IKZF1: variants seen among roughly 807,000 people sequenced by gnomAD.
IKZF1 encodes IKAROS family zinc finger 1, also known as DNA-binding protein Ikaros.
A neutral mutation model predicts 51.7 loss-of-function variants in IKZF1; 10 were observed. The observed-to-expected ratio is 0.19, with a 90% CI of 0.12 to 0.33. The LOEUF is 0.33. IKZF1 is among the 10% of genes least tolerant of loss of function. IKZF1 has a pLI of 1.00. For synonymous variants in IKZF1, 280 were observed against 282.3 expected (o/e 0.99, Z 0.08); for missense variants, 484 against 707.5 (o/e 0.68, Z 3.58).
At chr7:50,375,508 T>G (rs1195179962) in intron 3 of IKZF1, among the ~76,000 whole-genome samples, 1 of 152,228 alleles carries the variant, frequency 6.6e-6, no homozygotes, top group African/African-American at 2.4e-5. Flanking sequence ...ACAAATTCTC[T>G]TAGTCATTAT....
intron 3 of IKZF1, among the ~76,000 whole-genome samples, chr7:50,358,832 A>G (rs1201048876): frequency 7.0e-6 from 1 of 143,380 alleles, no homozygotes; most frequent in Non-Finnish European, 1.5e-5. Context: ...TCTTAAGAGA[A>G]CTATATATTA....
At chr7:50,351,355 A>G (rs1562801555) in intron 3 of IKZF1, among the ~76,000 whole-genome samples, 3 of 152,074 alleles carry the variant, frequency 2.0e-5, no homozygotes. Flanking sequence ...GTTAAAACAT[A>G]TTTCATTTCA....
At chr7:50,385,232 A>G (rs934824178) in intron 5 of IKZF1, among the ~76,000 whole-genome samples, 5 of 152,232 alleles carry the variant, frequency 3.3e-5, no homozygotes, top group Admixed American at 6.5e-5. Context: ...GGGGAAAAAA[A>G]CAGTGATGAT....
At chr7:50,314,508 G>A (rs189196920) in intron 1 of IKZF1, among the ~76,000 whole-genome samples, 70 of 152,328 alleles carry the variant, frequency 4.6e-4, no homozygotes, top group Non-Finnish European at 7.9e-4. Context: ...AATTTGGCAC[G>A]CTGTGTACTT....
intron 3 of IKZF1, among the ~76,000 whole-genome samples, chr7:50,366,315 C>T (rs1806933807): frequency 6.6e-6 from 1 of 152,118 alleles, no homozygotes; most frequent in African/African-American, 2.4e-5. Flanking sequence ...TATTCAATGG[C>T]AATGTGTGAA....
At chr7:50,378,833 A>C (rs1018807601) in intron 4 of IKZF1, among the ~76,000 whole-genome samples, 2 of 152,242 alleles carry the variant, frequency 1.3e-5, no homozygotes, top group African/African-American at 4.8e-5. Flanking sequence ...ACACACTTGA[A>C]GCAATGAACT....
At chr7:50,390,911 G>A (rs1022327530) in intron 6 of IKZF1, among the ~76,000 whole-genome samples, 2 of 152,252 alleles carry the variant, frequency 1.3e-5, no homozygotes, top group South Asian at 2.1e-4. Context: ...AGGCAGGAAC[G>A]GTATTGGAAG....
rs749604233 is a variant in IKZF1, at chr7:50,376,171, G to A, written c.161-362G>A. ...GGGCAAGGTGCCCATCTGATGGGTA[G>A]GGTGTAGGAGTAGGCCTCAGACCAC... On this transcript the variant is annotated intron_variant, in intron 3 of 7. Coordinates refer to ENST00000331340, the MANE Select transcript of IKZF1 (RefSeq NM_006060.6). This position sits in a 1 kb window ranked among gnomAD's most constrained non-coding sequence, Gnocchi z 4.5. 5.9e-5 allele frequency among the ~76,000 whole-genome samples: 9 copies of A among 152,248 alleles called. No homozygotes were observed. The highest frequency in any genetic ancestry group is 1.0e-4 in the Non-Finnish European group (7 of 68,040).
At chr7:50,318,100 C>T (rs1414738135) in intron 1 of IKZF1, among the ~76,000 whole-genome samples, 1 of 152,168 alleles carries the variant, frequency 6.6e-6, no homozygotes, top group African/African-American at 2.4e-5. Context: ...TGTGGAGCTG[C>T]CAGCTGTCAT....
intron 5 of IKZF1, among the ~76,000 whole-genome samples, chr7:50,384,651 C>G (rs181376187): frequency 1.3e-5 from 2 of 152,222 alleles, no homozygotes; most frequent in African/African-American, 2.4e-5. Flanking sequence ...AAAGGTGGTA[C>G]CTGGGCCTGA....
chr7:50,348,101 G>A (rs1562793814), intron 3 of IKZF1, among the ~76,000 whole-genome samples: 1 of 152,152 alleles, frequency 6.6e-6, no homozygotes, highest in Non-Finnish European at 1.5e-5. Context: ...AAAATCACAG[G>A]TTTTCCCGCT....
chr7:50,382,791 T>C, intron 5 of IKZF1, 84 bp downstream of exon 5: 2 of 1,474,460 alleles, frequency 1.4e-6, no homozygotes, highest in East Asian at 4.9e-5. Context: ...GATTGTGTCC[T>C]TGCTGGCTAA....
chr7:50,382,834 C>T (rs1264585913), intron 5 of IKZF1, 127 bp downstream of exon 5: 18 of 1,184,516 alleles, frequency 1.5e-5, no homozygotes, highest in Admixed American at 5.4e-5. Flanking sequence ...AGTCCTGCAT[C>T]GGGTGTGAGC....
intron 3 of IKZF1, among the ~76,000 whole-genome samples, chr7:50,332,791 G>T (rs1354959145): frequency 6.6e-6 from 1 of 152,162 alleles, no homozygotes; most frequent in East Asian, 1.9e-4. Context: ...TTATTCAGGC[G>T]GGAGGACACA....
At position 50,327,439 on chromosome 7, in the gene IKZF1, T is replaced by C. The variant is rs1795308485; in HGVS notation, c.41-199T>C. 3 of 487,366 alleles carry C rather than the reference T, an allele frequency of 6.2e-6. No individual in the cohort carries two copies. The East Asian group carries it at 9.9e-5, about 16-fold the overall frequency. The allele number at this position is 487,366 out of a possible 1,614,324, so 30.2% of individuals were successfully genotyped here. On this transcript the variant is annotated intron_variant, in intron 2 of 7. Transcript: ENST00000331340. ...GATTGTATTTCTTCCCTTTTGCACA[T>C]CTATGTTCTCTCATTTGTATTGTGT...
Position 50,376,935 on chromosome 7 carries a change from G to A in IKZF1, c.421+142G>A. The stretch of plus-strand genomic sequence containing the variant: ...AGTTGTTGCAAGCGATTGGTTCCAA[G>A]TGGTACCGAGTCATAGAGTCCTTGT... On this transcript the variant is annotated intron_variant, in intron 4 of 7. Coordinates refer to ENST00000331340, the MANE Select transcript of IKZF1 (RefSeq NM_006060.6). This position sits in a 1 kb window ranked among gnomAD's most constrained non-coding sequence, Gnocchi z 4.5. 7.2e-7 allele frequency: 1 copy of A among 1,380,540 alleles called. No individual in the cohort carries two copies. The highest frequency in any genetic ancestry group is 1.5e-5 in the South Asian group (1 of 66,440). The allele number at this position is 1,380,540 out of a possible 1,614,324, so 85.5% of individuals were successfully genotyped here.
chr7:50,330,225 G>A (rs1463462590), intron 3 of IKZF1, among the ~76,000 whole-genome samples: 1 of 152,206 alleles, frequency 6.6e-6, no homozygotes, highest in Non-Finnish European at 1.5e-5. Context: ...CCTTCAGGAT[G>A]TAATTTAGAA....
At chr7:50,356,838 C>T (rs1803556673) in intron 3 of IKZF1, among the ~76,000 whole-genome samples, 1 of 152,086 alleles carries the variant, frequency 6.6e-6, no homozygotes, top group Admixed American at 6.5e-5. Context: ...AATCGCTGTG[C>T]TTGGGCCCTA....
intron 3 of IKZF1, among the ~76,000 whole-genome samples, chr7:50,375,064 A>G (rs1424667625): frequency 1.1e-4 from 16 of 151,806 alleles, no homozygotes; most frequent in Admixed American, 1.1e-3. Flanking sequence ...GTAAGTTCTC[A>G]GGTGATGCTT....
Sources: gnomAD v4.1 joint callset for allele counts (sites outside exome capture counted in the v4.1 genomes callset) on GRCh38, gnomAD v4.1.1 for gene constraint, Gnocchi (gnomAD v3.1) non-coding constraint, MANE v1.5 for transcripts, NCBI Gene and HGNC (gene_info 2026-07-23, HGNC 2026-07-21) for gene names.